Variants in ANO4 observed in about 807,000 individuals in gnomAD.
The protein encoded by ANO4 is anoctamin-4.
ANO4 carries 69 observed loss-of-function variants against 141.9 expected under a neutral mutation model. The observed-to-expected ratio is 0.49, with a 90% CI of 0.40 to 0.59. The LOEUF is 0.59. ANO4 is among the 20% of genes least tolerant of loss of function. The pLI is 0.00. For missense variants in ANO4, 894 were observed against 1,162.2 expected (o/e 0.77, Z 3.36); for synonymous variants, 350 against 394.3 (o/e 0.89, Z 1.33).
intron 13 of ANO4, 140 bp from the exon 14 acceptor site, chr12:101,048,201 A>C (rs1218036829): frequency 9.4e-7 from 1 of 1,067,168 alleles, no homozygotes; most frequent in Non-Finnish European, 1.3e-6. Context: ...TTATGGTTCA[A>C]AAGGAATATT....
At position 101,126,099 on chromosome 12, in the gene ANO4, A is replaced by T. The variant is rs949770582; in HGVS notation, c.2677-780A>T. 2.6e-5 allele frequency among the ~76,000 whole-genome samples: 4 copies of T among 152,236 alleles called. No homozygotes were observed. In the South Asian group the frequency reaches 8.3e-4, roughly 32 times the overall value. ...AATATTTTGTTATTAACTATTTGAA[A>T]ATATGAGAACTATGCAGAAAAGCTT... On this transcript the variant is annotated intron_variant, in intron 26 of 27. Coordinates refer to ENST00000392977, the MANE Select transcript of ANO4 (RefSeq NM_001286615.2).
intron 3 of ANO4, among the ~76,000 whole-genome samples, chr12:100,783,030 G>A (rs965840847): frequency 6.6e-6 from 1 of 152,132 alleles, no homozygotes; most frequent in Admixed American, 6.5e-5. Context: ...CCTCACAGTG[G>A]CTCCGAGGTT....
At chr12:101,091,112 G>A (rs1026471503) in intron 17 of ANO4, among the ~76,000 whole-genome samples, 10 of 152,144 alleles carry the variant, frequency 6.6e-5, no homozygotes, top group Admixed American at 3.3e-4. Flanking sequence ...TCTTAGGGAT[G>A]CCCTTGTGGT....
At chr12:100,823,816 A>G (rs1008795565) in intron 1 of ANO4, among the ~76,000 whole-genome samples, 26 of 152,024 alleles carry the variant, frequency 1.7e-4, no homozygotes, top group African/African-American at 6.0e-4. Context: ...AATAAAATCT[A>G]TTTGGAGAAG....
intron 14 of ANO4, among the ~76,000 whole-genome samples, chr12:101,050,141 A>C (rs1210725217): frequency 6.6e-6 from 1 of 152,170 alleles, no homozygotes; most frequent in Non-Finnish European, 1.5e-5. Flanking sequence ...GAAGCAAAGA[A>C]CTAGTGGAAA....
At chr12:101,027,036 A>G (rs988311938) in intron 9 of ANO4, among the ~76,000 whole-genome samples, 2 of 152,172 alleles carry the variant, frequency 1.3e-5, no homozygotes, top group African/African-American at 4.8e-5. Context: ...CAACCAAGGT[A>G]TCTTCTCATC....
At chr12:101,002,606 G>A (rs1333158705) in intron 8 of ANO4, among the ~76,000 whole-genome samples, 1 of 152,050 alleles carries the variant, frequency 6.6e-6, no homozygotes, top group Non-Finnish European at 1.5e-5. Context: ...CTCACTCTTT[G>A]GTAATATCCT....
intron 7 of ANO4, among the ~76,000 whole-genome samples, chr12:100,981,443 G>A (rs889237827): frequency 7.9e-6 from 1 of 127,076 alleles, no homozygotes; most frequent in African/African-American, 2.7e-5. Flanking sequence ...AGGAGGGAAG[G>A]AAGGAAGGAA....
chr12:100,830,493 A>G (rs1326787899), intron 1 of ANO4, among the ~76,000 whole-genome samples: 1 of 151,988 alleles, frequency 6.6e-6, no homozygotes, highest in African/African-American at 2.4e-5. Context: ...TAGACAGATT[A>G]TTTTACCTTA....
intron 12 of ANO4, 121 bp from the exon 13 acceptor site, chr12:101,043,418 G>T: frequency 1.5e-6 from 1 of 665,376 alleles, no homozygotes; most frequent in Admixed American, 2.6e-5. Context: ...ATAAAGCTAA[G>T]ATGCTTCTAA....
At chr12:100,824,886 G>A (rs542853824) in intron 1 of ANO4, among the ~76,000 whole-genome samples, 1 of 152,068 alleles carries the variant, frequency 6.6e-6, no homozygotes, top group South Asian at 2.1e-4. Flanking sequence ...GAAATTGAGT[G>A]TGCTGGTTTT....
chr12:101,065,707 A>G (rs530558344), intron 14 of ANO4, among the ~76,000 whole-genome samples: 1 of 152,304 alleles, frequency 6.6e-6, no homozygotes, highest in Admixed American at 6.5e-5. Flanking sequence ...TAGCAATCCT[A>G]CTTGAACTGT....
intron 8 of ANO4, among the ~76,000 whole-genome samples, chr12:100,995,522 A>T (rs1037668935): frequency 6.6e-6 from 1 of 152,210 alleles, no homozygotes; most frequent in African/African-American, 2.4e-5. Context: ...ATCCGTGTGA[A>T]GCATGATGTA....
At chr12:101,090,143 G>A (rs1284801167) in intron 17 of ANO4, among the ~76,000 whole-genome samples, 4 of 152,226 alleles carry the variant, frequency 2.6e-5, no homozygotes. Flanking sequence ...CTTTTACACT[G>A]TTGATGGGAC....
intron 1 of ANO4, among the ~76,000 whole-genome samples, chr12:100,851,792 A>G (rs1159860019): frequency 2.0e-5 from 3 of 152,072 alleles, no homozygotes; most frequent in Admixed American, 6.5e-5. Context: ...CTGACCAGAG[A>G]CCTGTGGGGG....
At chr12:101,080,848 AT>A (rs1297599953) in intron 15 of ANO4, among the ~76,000 whole-genome samples, 3 of 123,970 alleles carry the variant, frequency 2.4e-5, no homozygotes, top group East Asian at 4.4e-4. Flanking sequence ...GTGTATATAT[AT>A]TTTTTCTAGG....
At chr12:100,813,053 G>A (rs944962061) in intron 1 of ANO4, among the ~76,000 whole-genome samples, 2 of 152,184 alleles carry the variant, frequency 1.3e-5, no homozygotes, top group Admixed American at 6.6e-5. Flanking sequence ...CTATTCTCCA[G>A]CAAGTAAGGG....
intron 1 of ANO4, among the ~76,000 whole-genome samples, chr12:100,857,507 G>A (rs917348099): frequency 9.9e-5 from 15 of 151,962 alleles, no homozygotes; most frequent in African/African-American, 3.1e-4. Flanking sequence ...ACTTGCACAC[G>A]GTCACTAACT....
At chr12:101,033,038 T>C (rs1375412708) in intron 9 of ANO4, among the ~76,000 whole-genome samples, 1 of 152,154 alleles carries the variant, frequency 6.6e-6, no homozygotes, top group Non-Finnish European at 1.5e-5. Flanking sequence ...TGCGGCACTA[T>C]TCACAATAGC....
Sources: allele counts gnomAD v4.1 joint callset (sites outside exome capture counted in the v4.1 genomes callset), GRCh38; gene constraint gnomAD v4.1.1; transcripts MANE v1.5; gene names NCBI Gene and HGNC (gene_info 2026-07-23, HGNC 2026-07-21).